SRD5A2: variants seen among roughly 807,000 people sequenced by gnomAD.
SRD5A2 encodes the protein steroid 5 alpha-reductase 2, also known as 3-oxo-5-alpha-steroid 4-dehydrogenase 2.
Under a neutral mutation model 27.4 loss-of-function variants are expected in SRD5A2, and 30 were observed. That is an observed-to-expected ratio of 1.10 (90% confidence interval 0.82 to 1.49). SRD5A2 has a LOEUF of 1.49. Ranked by LOEUF, SRD5A2 falls within the 40% of genes most tolerant of loss-of-function variation. SRD5A2 has a pLI of 0.00. For missense variants in SRD5A2, 348 were observed against 323.4 expected, an observed-to-expected ratio of 1.08 and a Z score of -0.58; for synonymous variants, 141 against 133.6, an observed-to-expected ratio of 1.06 and a Z score of -0.38.
the SRD5A2 span, among the ~76,000 whole-genome samples, chr2:31,662,086 TGTTG>T: frequency 9.8e-4 from 149 of 152,314 alleles, no homozygotes; most frequent in African/African-American, 3.3e-3. Flanking sequence ...CTTTTACATA[TGTTG>T]GTAAAGCACT....
chr2:31,582,358 G>A (rs1667098213), upstream of SRD5A2, among the ~76,000 whole-genome samples: 1 of 152,168 alleles, frequency 6.6e-6, no homozygotes, highest in Non-Finnish European at 1.5e-5. Context: ...ATGGTATATG[G>A]TGATGCTTTA....
At chr2:31,584,742 G>A (rs1309443065), upstream of SRD5A2, among the ~76,000 whole-genome samples, 1 of 152,202 alleles carries the variant, frequency 6.6e-6, no homozygotes, top group East Asian at 1.9e-4. Flanking sequence ...GGGAGGTGGA[G>A]CAAGATGGTG....
At chr2:31,540,537 T>C (rs1666109140) in intron 1 of SRD5A2, among the ~76,000 whole-genome samples, 1 of 152,030 alleles carries the variant, frequency 6.6e-6, no homozygotes, top group Non-Finnish European at 1.5e-5. Context: ...TAAAGGAAGG[T>C]AGGGAGAGCA....
At chr2:31,617,550 CA>C in the SRD5A2 span, among the ~76,000 whole-genome samples, 1 of 151,470 alleles carries the variant, frequency 6.6e-6, no homozygotes, top group African/African-American at 2.4e-5. Flanking sequence ...CATCAGGCTG[CA>C]AATTTTCCAA....
At chr2:31,559,081 C>A (rs1413638215) in intron 1 of SRD5A2, among the ~76,000 whole-genome samples, 2 of 152,148 alleles carry the variant, frequency 1.3e-5, no homozygotes, top group Non-Finnish European at 2.9e-5. Flanking sequence ...CCACCATGGC[C>A]AGATCTCCCC....
At chr2:31,538,595 C>G (rs1453115765) in intron 1 of SRD5A2, among the ~76,000 whole-genome samples, 5 of 152,144 alleles carry the variant, frequency 3.3e-5, no homozygotes, top group African/African-American at 1.2e-4. Context: ...AATGAAAGCC[C>G]AAATTCTTGA....
At chr2:31,529,808 C>T (rs943057722) in intron 3 of SRD5A2, among the ~76,000 whole-genome samples, 4 of 152,130 alleles carry the variant, frequency 2.6e-5, no homozygotes, top group Admixed American at 6.5e-5. Context: ...TTTGGGCCAC[C>T]TCTTACCTCC....
At chr2:31,587,775 G>A in the SRD5A2 span, among the ~76,000 whole-genome samples, 75 of 152,128 alleles carry the variant, frequency 4.9e-4, no homozygotes, top group African/African-American at 1.5e-3. Context: ...GAGGGAGAGC[G>A]TTAGGACAAA....
upstream of SRD5A2, chr2:31,581,136 G>A (rs1332625090): frequency 7.2e-6 from 4 of 551,842 alleles, no homozygotes; most frequent in Non-Finnish European, 1.3e-5. Context: ...TAGTTCGCCC[G>A]CCCTCTCCAC....
At chr2:31,636,450 A>G in the SRD5A2 span, among the ~76,000 whole-genome samples, 6 of 152,162 alleles carry the variant, frequency 3.9e-5, no homozygotes, top group African/African-American at 1.2e-4. Flanking sequence ...GACTCCTTTT[A>G]ATAAAAGATG....
chr2:31,564,010 C>T (rs548868596), intron 1 of SRD5A2, among the ~76,000 whole-genome samples: 20 of 152,028 alleles, frequency 1.3e-4, no homozygotes, highest in African/African-American at 4.6e-4. Context: ...TATCCAACAC[C>T]CAATGAGGTA....
chr2:31,542,989 G>A (rs1256498665), intron 1 of SRD5A2, among the ~76,000 whole-genome samples: 1 of 152,050 alleles, frequency 6.6e-6, no homozygotes, highest in Non-Finnish European at 1.5e-5. Context: ...TACCCACATG[G>A]ATATACATTA....
At chr2:31,617,154 T>C in the SRD5A2 span, among the ~76,000 whole-genome samples, 3 of 152,174 alleles carry the variant, frequency 2.0e-5, no homozygotes, top group African/African-American at 7.2e-5. Context: ...CCTTTTTCTT[T>C]ATAAATTACC....
chr2:31,578,231 T>G (rs1666999462), intron 1 of SRD5A2, among the ~76,000 whole-genome samples: 1 of 152,090 alleles, frequency 6.6e-6, no homozygotes, highest in Non-Finnish European at 1.5e-5. Context: ...AAAAAATGTT[T>G]TTATAATTTA....
At chr2:31,550,305 C>A (rs1253078255) in intron 1 of SRD5A2, among the ~76,000 whole-genome samples, 1 of 151,468 alleles carries the variant, frequency 6.6e-6, no homozygotes, top group Non-Finnish European at 1.5e-5. Flanking sequence ...TTCTACCAAA[C>A]ATTTAAGTAA....
intron 1 of SRD5A2, among the ~76,000 whole-genome samples, chr2:31,544,483 AAATTAG>A (rs1666203053): frequency 6.6e-6 from 1 of 151,984 alleles, no homozygotes; most frequent in African/African-American, 2.4e-5. Flanking sequence ...AAGCAAAGGG[AAATTAG>A]AAAATACTTA....
chr2:31,549,286 G>C (rs1391681729), intron 1 of SRD5A2, among the ~76,000 whole-genome samples: 1 of 151,498 alleles, frequency 6.6e-6, no homozygotes, highest in Non-Finnish European at 1.5e-5. Context: ...CTAATTTTTT[G>C]TATTTTTAGT....
Position 31,572,020 on chromosome 2 carries a change from C to A in SRD5A2, c.281+8600G>T, listed in dbSNP as rs544854395. On this transcript the variant is annotated intron_variant, in intron 1 of 4. Transcript: ENST00000622030. ...TATATATTGTTCTACCATAAAGACACATGCATGTGCATGCTCATTGCAGCA... is the reference window on the plus strand; with the variant it reads ...TATATATTGTTCTACCATAAAGACAAATGCATGTGCATGCTCATTGCAGCA... 2.7e-4 allele frequency among the ~76,000 whole-genome samples: 35 copies of A among 131,812 alleles called. No homozygotes were observed. The South Asian group carries it at 9.5e-3, about 36-fold the overall frequency. 86.5% of individuals were successfully genotyped at this position (131,812 alleles called of 152,430 possible). A position where few individuals can be genotyped will look rare whatever the true frequency, so the allele number is the denominator to read the frequency against.
chr2:31,552,734 G>A (rs1666405061), intron 1 of SRD5A2, among the ~76,000 whole-genome samples: 1 of 152,164 alleles, frequency 6.6e-6, no homozygotes, highest in African/African-American at 2.4e-5. Context: ...AGCTTGCTAT[G>A]TGAGAGGCTC....
Sources: gnomAD v4.1 joint callset for allele counts (sites outside exome capture counted in the v4.1 genomes callset) on GRCh38, gnomAD v4.1.1 for gene constraint, MANE v1.5 for transcripts, NCBI Gene and HGNC (gene_info 2026-07-23, HGNC 2026-07-21) for gene names.